Variants in ADAM18 observed in about 807,000 individuals in gnomAD.
ADAM18 encodes disintegrin and metalloproteinase domain-containing protein 18.
A neutral mutation model predicts 94.4 loss-of-function variants in ADAM18; 117 were observed. The ratio of observed to expected loss-of-function variants is 1.24; its 90% CI spans 1.07 to 1.45. The LOEUF is 1.45. Among genes scored for constraint, ADAM18 ranks in the 40% most tolerant of loss-of-function variants. The pLI, the probability that ADAM18 is intolerant of heterozygous loss-of-function variation, is 0.00. For missense variants in ADAM18, 936 were observed against 880.0 expected (o/e 1.06, Z -0.81); for synonymous variants, 327 against 291.6 (o/e 1.12, Z -1.24).
At chr8:39,689,055 C>CT (rs754155019) in intron 16 of ADAM18, among the ~76,000 whole-genome samples, 29 of 150,228 alleles carry the variant, frequency 1.9e-4, no homozygotes, top group African/African-American at 2.7e-4. Flanking sequence ...TTTTTAATGG[C>CT]TTTTTTTTTC....
chr8:39,640,423 C>CT (rs1353432644), intron 10 of ADAM18, among the ~76,000 whole-genome samples: 1 of 152,084 alleles, frequency 6.6e-6, no homozygotes, highest in Non-Finnish European at 1.5e-5. Flanking sequence ...TTTATCCAGT[C>CT]TATCTTGGTG....
intron 18 of ADAM18, among the ~76,000 whole-genome samples, chr8:39,720,192 C>T (rs1012588914): frequency 6.6e-6 from 1 of 151,338 alleles, no homozygotes; most frequent in South Asian, 2.1e-4. Context: ...CTAAATGAAA[C>T]ATGTTAGACT....
intron 17 of ADAM18, among the ~76,000 whole-genome samples, chr8:39,704,578 C>T (rs1357159395): frequency 6.6e-6 from 1 of 152,010 alleles, no homozygotes; most frequent in African/African-American, 2.4e-5. Flanking sequence ...AAAGTAAATT[C>T]TATAATGTGA....
chr8:39,615,029 A>T (rs1247038325), intron 6 of ADAM18, among the ~76,000 whole-genome samples: 8 of 152,188 alleles, frequency 5.3e-5, no homozygotes, highest in African/African-American at 1.7e-4. Context: ...CACTCCACTG[A>T]CAGCATTAGA....
chr8:39,727,346 G>C (rs1822944801), intron 19 of ADAM18, among the ~76,000 whole-genome samples: 1 of 152,104 alleles, frequency 6.6e-6, no homozygotes, highest in Admixed American at 6.6e-5. Flanking sequence ...TTGCTACAAA[G>C]CTAGGCTGAA....
intron 6 of ADAM18, among the ~76,000 whole-genome samples, chr8:39,621,901 C>T (rs1479632222): frequency 1.3e-5 from 2 of 152,026 alleles, no homozygotes; most frequent in African/African-American, 4.8e-5. Flanking sequence ...TGTGGGGAAA[C>T]AACACACACT....
intron 14 of ADAM18, among the ~76,000 whole-genome samples, chr8:39,670,002 C>A (rs993859992): frequency 2.6e-5 from 4 of 152,140 alleles, no homozygotes; most frequent in African/African-American, 9.7e-5. Flanking sequence ...TTAATGATCG[C>A]CATTCTAACT....
intron 2 of ADAM18, among the ~76,000 whole-genome samples, chr8:39,587,408 AC>A (rs1448882138): frequency 2.0e-5 from 3 of 152,038 alleles, no homozygotes; most frequent in Non-Finnish European, 4.4e-5. Context: ...CCTGGCAACC[AC>A]TATTCTATTC....
Position 39,668,163 on chromosome 8 carries a change from A to G in ADAM18, c.1492A>G (p.Thr498Ala). The change falls in exon 14 of 20, where the codon ACT becomes GCT. Residue 498 changes from threonine to alanine, a missense_variant. Transcript: ENST00000265707. ...TTGCTATAACGGACAATGTCAAACT[A>G]CTGATAACCAGTGTGCCAAGATATT... Reference protein sequence around the residue: ...AYCYNGQCQTTDNQCAKIFGK... With the variant: ...AYCYNGQCQTADNQCAKIFGK... 1 of 1,614,080 alleles carries G rather than the reference A, an allele frequency of 6.2e-7. No homozygotes were observed. Among genetic ancestry groups the G allele is most frequent in the Non-Finnish European group, 8.5e-7 (1 of 1,179,986 alleles).
intron 1 of ADAM18, 95 bp downstream of exon 1, chr8:39,584,772 C>T (rs1237451192): frequency 4.2e-6 from 6 of 1,433,490 alleles, no homozygotes; most frequent in South Asian, 1.2e-5. Flanking sequence ...GACCCTCCCC[C>T]TCTCCCTTCT....
intron 17 of ADAM18, among the ~76,000 whole-genome samples, chr8:39,702,051 G>A (rs1301834184): frequency 6.6e-6 from 1 of 152,104 alleles, no homozygotes; most frequent in African/African-American, 2.4e-5. Flanking sequence ...TTGGGTCTTT[G>A]AGGAATCACC....
At chr8:39,702,524 T>A (rs933047127) in intron 17 of ADAM18, among the ~76,000 whole-genome samples, 35 of 152,234 alleles carry the variant, frequency 2.3e-4, no homozygotes, top group African/African-American at 8.2e-4. Flanking sequence ...TTTGTTTCAA[T>A]TGCTTTTGGC....
At chr8:39,729,527 C>T (rs1281122686) in intron 19 of ADAM18, among the ~76,000 whole-genome samples, 1 of 151,938 alleles carries the variant, frequency 6.6e-6, no homozygotes, top group Non-Finnish European at 1.5e-5. Flanking sequence ...GTAGGTTTTT[C>T]TAAGAAACAA....
intron 18 of ADAM18, among the ~76,000 whole-genome samples, chr8:39,714,556 A>T (rs1216494937): frequency 6.6e-6 from 1 of 152,168 alleles, no homozygotes; most frequent in African/African-American, 2.4e-5. Flanking sequence ...GGTAAATTAA[A>T]AGTAAAAAAT....
intron 6 of ADAM18, among the ~76,000 whole-genome samples, chr8:39,611,905 A>C (rs901220434): frequency 6.6e-6 from 1 of 152,226 alleles, no homozygotes; most frequent in Non-Finnish European, 1.5e-5. Flanking sequence ...CATTTTTAAC[A>C]GACACACTAA....
intron 16 of ADAM18, among the ~76,000 whole-genome samples, chr8:39,686,854 A>G (rs893754286): frequency 1.3e-5 from 2 of 152,212 alleles, no homozygotes; most frequent in Admixed American, 6.5e-5. Flanking sequence ...CTTGCAGTGT[A>G]TTATGTGACT....
At chr8:39,671,505 A>C (rs1395924038) in intron 14 of ADAM18, among the ~76,000 whole-genome samples, 1 of 152,222 alleles carries the variant, frequency 6.6e-6, no homozygotes, top group East Asian at 1.9e-4. Context: ...GGAAGACTTA[A>C]TTGAGAAGTT....
chr8:39,684,562 C>G (rs1312374710), intron 16 of ADAM18, among the ~76,000 whole-genome samples: 2 of 152,104 alleles, frequency 1.3e-5, no homozygotes, highest in Admixed American at 6.6e-5. Context: ...CTGGGGCTCT[C>G]TTAGGCTAGA....
chr8:39,687,815 T>C (rs1332690364), intron 16 of ADAM18, among the ~76,000 whole-genome samples: 1 of 152,226 alleles, frequency 6.6e-6, no homozygotes, highest in Non-Finnish European at 1.5e-5. Flanking sequence ...TCTTTTTGTG[T>C]GACTGCATAG....
Sources: allele counts gnomAD v4.1 joint callset (sites outside exome capture counted in the v4.1 genomes callset), GRCh38; gene constraint gnomAD v4.1.1; transcripts MANE v1.5; gene names NCBI Gene and HGNC (gene_info 2026-07-23, HGNC 2026-07-21).